Variants in KLF8 observed in about 807,000 individuals in gnomAD.
KLF8 encodes the protein KLF transcription factor 8.
A neutral mutation model predicts 18.2 loss-of-function variants in KLF8; 10 were observed. That is an observed-to-expected ratio of 0.55 (90% CI 0.34 to 0.93). The LOEUF is 0.93. KLF8 is among the 40% of genes least tolerant of loss of function. KLF8 has a pLI of 0.02. For missense variants in KLF8, 264 were observed against 277.9 expected, an observed-to-expected ratio of 0.95 and a Z score of 0.36; for synonymous variants, 109 against 97.3, an observed-to-expected ratio of 1.12 and a Z score of -0.71.
chrX:55,929,012 T>C, the KLF8 span, among the ~76,000 whole-genome samples: 1 of 112,404 alleles, frequency 8.9e-6, no homozygotes, highest in African/African-American at 3.2e-5. Flanking sequence ...TTCCTATTTC[T>C]CCACATGCTC....
At chrX:56,043,141 G>A in the KLF8 span, among the ~76,000 whole-genome samples, 1 of 111,019 alleles carries the variant, frequency 9.0e-6, no homozygotes, top group Non-Finnish European at 1.9e-5. Context: ...TTGAATATTG[G>A]CCCCCAATCT....
At chrX:56,048,631 C>G in the KLF8 span, among the ~76,000 whole-genome samples, 7 of 111,743 alleles carry the variant, frequency 6.3e-5, no homozygotes. Context: ...GTCTATATCT[C>G]TGTTTTGGTA....
the KLF8 span, among the ~76,000 whole-genome samples, chrX:56,038,817 T>C: frequency 1.2e-3 from 131 of 112,736 alleles, no homozygotes; most frequent in African/African-American, 4.1e-3. Flanking sequence ...ATTGAACTAA[T>C]GTACGTTTCC....
chrX:55,999,724 T>C, the KLF8 span, among the ~76,000 whole-genome samples: 4 of 111,453 alleles, frequency 3.6e-5, no homozygotes, highest in African/African-American at 1.3e-4. Flanking sequence ...AATGAATTCA[T>C]TTATCAAATT....
intron 1 of KLF8, among the ~76,000 whole-genome samples, chrX:56,239,095 T>G (rs1052844415): frequency 2.7e-5 from 3 of 112,407 alleles, no homozygotes; most frequent in Non-Finnish European, 5.6e-5. Flanking sequence ...CTCAGTAATC[T>G]CCTCCTCTCC....
chrX:56,142,783 G>A, the KLF8 span, among the ~76,000 whole-genome samples: 2 of 111,480 alleles, frequency 1.8e-5, no homozygotes, highest in African/African-American at 3.3e-5. Flanking sequence ...AAACCTTGAG[G>A]TCATCTCTTG....
At chrX:56,018,516 C>G in the KLF8 span, among the ~76,000 whole-genome samples, 2 of 111,333 alleles carry the variant, frequency 1.8e-5, no homozygotes, top group Non-Finnish European at 3.8e-5. Context: ...GTCATAGCAG[C>G]TGAATTATGC....
the KLF8 span, among the ~76,000 whole-genome samples, chrX:55,977,941 T>G: frequency 9.0e-6 from 1 of 110,524 alleles, no homozygotes; most frequent in Non-Finnish European, 1.9e-5. Flanking sequence ...TGGGTTTTTT[T>G]GGTCTACGTT....
chrX:55,953,047 A>G, the KLF8 span, among the ~76,000 whole-genome samples: 3 of 111,181 alleles, frequency 2.7e-5, no homozygotes, highest in Non-Finnish European at 5.7e-5. Context: ...CAAAGATTAC[A>G]TTTTCTAGTA....
the KLF8 span, among the ~76,000 whole-genome samples, chrX:56,157,733 G>A: frequency 1.3e-4 from 15 of 111,271 alleles, no homozygotes; most frequent in Non-Finnish European, 2.6e-4. Context: ...TTTTTGATGG[G>A]GTTGTTTGCT....
At chrX:56,034,110 TTC>T in the KLF8 span, among the ~76,000 whole-genome samples, 2 of 112,183 alleles carry the variant, frequency 1.8e-5, no homozygotes, top group African/African-American at 6.5e-5. Flanking sequence ...ATGTAGTTTT[TTC>T]TGCTATATTT....
chrX:56,102,191 C>G, the KLF8 span, among the ~76,000 whole-genome samples: 2 of 111,275 alleles, frequency 1.8e-5, no homozygotes, highest in East Asian at 5.6e-4. Context: ...ATCCCAGCAC[C>G]ATTTATTAAA....
the KLF8 span, among the ~76,000 whole-genome samples, chrX:56,041,541 A>G: frequency 3.1e-5 from 3 of 95,429 alleles, no homozygotes; most frequent in East Asian, 3.3e-4. Context: ...TCATGTCTCT[A>G]TCTCCTTCAG....
At chrX:56,002,912 T>C in the KLF8 span, among the ~76,000 whole-genome samples, 1 of 112,191 alleles carries the variant, frequency 8.9e-6, no homozygotes, top group Non-Finnish European at 1.9e-5. Context: ...GAATATCCAA[T>C]GCTACAAAAG....
At chrX:56,139,138 C>T in the KLF8 span, among the ~76,000 whole-genome samples, 8 of 111,570 alleles carry the variant, frequency 7.2e-5, no homozygotes, top group Non-Finnish European at 1.5e-4. Context: ...CAAAACACTG[C>T]TGAAAGAAAT....
chrX:56,266,089 A>G (rs1040127226), intron 3 of KLF8: 1 of 788,199 alleles, frequency 1.3e-6, no homozygotes, highest in Non-Finnish European at 1.5e-6. Context: ...ACCTGTTAAG[A>G]TAAACCACAT....
the KLF8 span, among the ~76,000 whole-genome samples, chrX:56,113,310 T>C: frequency 1.8e-5 from 2 of 110,974 alleles, no homozygotes; most frequent in Admixed American, 1.9e-4. Context: ...TCATGGTTTT[T>C]TTTTTTGTAT....
chrX:55,946,632 G>A, the KLF8 span, among the ~76,000 whole-genome samples: 5 of 111,486 alleles, frequency 4.5e-5, no homozygotes, highest in African/African-American at 1.3e-4. Flanking sequence ...CAAAATTGAC[G>A]AATGGGATCT....
chrX:56,159,461 G>A, the KLF8 span, among the ~76,000 whole-genome samples: 108 of 112,768 alleles, frequency 9.6e-4, no homozygotes, highest in African/African-American at 3.4e-3. Flanking sequence ...CAGAAGGAAT[G>A]GTACTAGCTC....
Sources: gnomAD v4.1 joint callset for allele counts (sites outside exome capture counted in the v4.1 genomes callset) on GRCh38, gnomAD v4.1.1 for gene constraint, MANE v1.5 for transcripts, NCBI Gene and HGNC (gene_info 2026-07-23, HGNC 2026-07-21) for gene names.